The following CLPX variants were observed in gnomAD, a reference collection of about 807,000 sequenced individuals.
CLPX encodes caseinolytic mitochondrial matrix peptidase chaperone subunit X.
A neutral mutation model predicts 76.4 loss-of-function variants in CLPX; 34 were observed. The ratio of observed to expected loss-of-function variants is 0.45; its 90% CI spans 0.34 to 0.59. The LOEUF (loss-of-function observed/expected upper bound fraction) is 0.59. CLPX is among the 20% of genes least tolerant of loss of function. CLPX has a pLI of 0.01. For missense variants in CLPX, 613 were observed against 757.0 expected, an observed-to-expected ratio of 0.81 and a Z score of 2.23; for synonymous variants, 248 against 270.9, an observed-to-expected ratio of 0.92 and a Z score of 0.83.
chr15:65,166,882 G>A, intron 3 of CLPX, 97 bp from the exon 4 acceptor site: 1 of 1,200,748 alleles, frequency 8.3e-7, no homozygotes, highest in East Asian at 2.5e-5. Flanking sequence ...CTACGCACCT[G>A]ACAAAAAGTA....
rs529934722 is a variant in CLPX at position 65,173,943 on chromosome 15, T to A, written c.358+4991A>T. 6.6e-5 allele frequency among the ~76,000 whole-genome samples: 10 copies of A among 152,286 alleles called. 1 individual carries two copies. In the East Asian group the frequency reaches 1.9e-3, roughly 29 times the overall value. On this transcript the variant is annotated intron_variant, in intron 3 of 13. Coordinates refer to ENST00000300107, the MANE Select transcript of CLPX (RefSeq NM_006660.5). ...TGATGAAAAATGTTCTGGAATTAGATAGTGGAGATGATCATTCAACTTGGT... is the reference window on the plus strand; with the variant it reads ...TGATGAAAAATGTTCTGGAATTAGAAAGTGGAGATGATCATTCAACTTGGT...
At position 65,157,759 on chromosome 15, in the gene CLPX, T is replaced by C; in HGVS notation, c.1044A>G (p.Glu348=). The change falls in exon 8 of 14, where the codon GAA becomes GAG. Residue 348 remains glutamate, a synonymous_variant. Coordinates refer to ENST00000300107, the MANE Select transcript of CLPX (RefSeq NM_006660.5). ...KLLQDANYNV[E]KAQQGIVFLD... is the part of the protein sequence containing the mutation. ...CTGAAAACATACCTTGTTGTGCTTT[T>C]TCCACATTATAATTGGCATCTTGGA... The C allele has an allele frequency of 1.2e-6, 2 of 1,613,334 alleles. No individual in the cohort carries two copies. Among genetic ancestry groups the C allele is most frequent in the Non-Finnish European group, 1.7e-6 (2 of 1,179,744 alleles).
chr15:65,151,344 CAAAAAAAAAAA>C (rs571760722), intron 13 of CLPX, among the ~76,000 whole-genome samples: 2 of 59,300 alleles, frequency 3.4e-5, no homozygotes, highest in African/African-American at 1.3e-4. Flanking sequence ...GACTGAGTCT[CAAAAAAAAAAA>C]AAAAAAAAAA....
At position 65,150,816 on chromosome 15, in the gene CLPX, T is replaced by C. The variant is rs1042459848; in HGVS notation, c.*7A>G. 2.5e-6 allele frequency: 4 copies of C among 1,597,298 alleles called. No homozygotes were observed. In the East Asian group the frequency reaches 6.7e-5, roughly 27 times the overall value. On this transcript the variant is annotated 3_prime_UTR_variant, in exon 14 of 14. Transcript: ENST00000300107. ...AAGCTGTATATACAAGACAGCAATA[T>C]GACAGTTTAGCTGTTTGCAGCATCT...
intron 3 of CLPX, among the ~76,000 whole-genome samples, chr15:65,168,661 C>T (rs1380069158): frequency 6.6e-6 from 1 of 150,824 alleles, no homozygotes; most frequent in African/African-American, 2.4e-5. Flanking sequence ...GATGAGTTAA[C>T]GGGTGCAGCA....
chr15:65,159,207 T>C (rs2140620280), intron 6 of CLPX, among the ~76,000 whole-genome samples: 1 of 152,340 alleles, frequency 6.6e-6, no homozygotes, highest in South Asian at 2.1e-4. Context: ...TCTGGCCCTA[T>C]CTAAATCTCT....
At chr15:65,165,855 C>A (rs974971991) in intron 4 of CLPX, among the ~76,000 whole-genome samples, 3 of 152,136 alleles carry the variant, frequency 2.0e-5, no homozygotes, top group African/African-American at 7.2e-5. Context: ...ATACCAATGA[C>A]ATTAAATCTG....
In CLPX at chr15:65,180,208, A is replaced by C; in HGVS notation, c.80-4T>G. On this transcript the variant is annotated splice_region_variant and splice_polypyrimidine_tract_variant and intron_variant, in intron 1 of 13. Transcript: ENST00000300107. ...TGAATGCGACCACCAGAAATACCTG[A>C]AAATAAAAGGAAATCTACATCAAAT... 1 of 1,580,606 alleles carries C rather than the reference A, an allele frequency of 6.3e-7. No homozygotes were observed. Among genetic ancestry groups the C allele is most frequent in the Non-Finnish European group, 8.6e-7 (1 of 1,163,614 alleles).
At chr15:65,181,119 A>C (rs1358512533) in intron 1 of CLPX, among the ~76,000 whole-genome samples, 1 of 151,820 alleles carries the variant, frequency 6.6e-6, no homozygotes, top group Admixed American at 6.6e-5. Flanking sequence ...GAATTGCTTG[A>C]ACCCAGGAGG....
intron 6 of CLPX, 87 bp from the exon 7 acceptor site, chr15:65,158,838 A>G (rs972503660): frequency 4.6e-6 from 5 of 1,082,482 alleles, no homozygotes; most frequent in Admixed American, 2.9e-5. Flanking sequence ...CTAAAACTAA[A>G]TATCGACATA....
chr15:65,162,441 G>T (rs925817118), intron 6 of CLPX, among the ~76,000 whole-genome samples, 163 bp downstream of exon 6: 1 of 152,054 alleles, frequency 6.6e-6, no homozygotes, highest in African/African-American at 2.4e-5. Flanking sequence ...CTATTCCAAA[G>T]TTATATATAC....
At chr15:65,156,591 T>TAA in intron 9 of CLPX, 9 of 398,270 alleles carry the variant, frequency 2.3e-5, no homozygotes, top group East Asian at 4.4e-5. Context: ...CTTTGAGGAA[T>TAA]AAAAAAAAAA....
chr15:65,185,272 G>A lies in CLPX; in HGVS notation c.-119C>T. The A allele has an allele frequency of 1.3e-6, 1 of 777,784 alleles. No individual in the cohort carries two copies. The highest frequency in any genetic ancestry group is 2.1e-6 in the Non-Finnish European group (1 of 480,438). 48.2% of individuals were successfully genotyped at this position (777,784 alleles called of 1,614,324 possible). A position where few individuals can be genotyped will look rare whatever the true frequency, so the allele number is the denominator to read the frequency against. ...AACCCTTTCGCGGGCCCTAGACCCCGTGGAGAGTTCACCTGCCCGGCAGCC... is the reference window on the plus strand; with the variant it reads ...AACCCTTTCGCGGGCCCTAGACCCCATGGAGAGTTCACCTGCCCGGCAGCC... On this transcript the variant is annotated 5_prime_UTR_variant, in exon 1 of 14. The change creates a new upstream start codon in the 5' untranslated region. Transcript: ENST00000300107.
intron 2 of CLPX, among the ~76,000 whole-genome samples, chr15:65,179,604 T>C (rs1270890741): frequency 6.6e-6 from 1 of 152,210 alleles, no homozygotes; most frequent in East Asian, 1.9e-4. Flanking sequence ...ACATAAGTTA[T>C]ACTAGCTACA....
At chr15:65,180,319 T>C (rs2088148969) in intron 1 of CLPX, 115 bp from the exon 2 acceptor site, 1 of 704,986 alleles carries the variant, frequency 1.4e-6, no homozygotes, top group Non-Finnish European at 2.2e-6. Context: ...TTCACAGTAG[T>C]ATAAACTGAG....
intron 3 of CLPX, among the ~76,000 whole-genome samples, chr15:65,171,957 T>C (rs569545624): frequency 1.3e-5 from 2 of 152,116 alleles, no homozygotes; most frequent in African/African-American, 4.8e-5. Flanking sequence ...AAATGCTATT[T>C]TGGGAAAAAA....
chr15:65,162,223 C>T (rs1443882057), intron 6 of CLPX, among the ~76,000 whole-genome samples: 1 of 152,066 alleles, frequency 6.6e-6, no homozygotes, highest in Non-Finnish European at 1.5e-5. Flanking sequence ...TGAATTAAGA[C>T]TTACTCATAA....
chr15:65,156,426 T>C (rs1045569365), intron 9 of CLPX, among the ~76,000 whole-genome samples: 2 of 152,198 alleles, frequency 1.3e-5, no homozygotes, highest in African/African-American at 2.4e-5. Context: ...CAATAGATCA[T>C]TGTGACTTCA....
intron 1 of CLPX, among the ~76,000 whole-genome samples, chr15:65,181,313 GGA>G (rs1310145846): frequency 6.6e-6 from 1 of 152,174 alleles, no homozygotes; most frequent in Non-Finnish European, 1.5e-5. Flanking sequence ...TGGGGAAAAT[GGA>G]GAGTTATTGT....
Sources: allele counts gnomAD v4.1 joint callset (sites outside exome capture counted in the v4.1 genomes callset), GRCh38; gene constraint gnomAD v4.1.1; transcripts MANE v1.5; gene names NCBI Gene and HGNC (gene_info 2026-07-23, HGNC 2026-07-21).